Variants in PPIL2 observed in about 807,000 individuals in gnomAD.
PPIL2 encodes RING-type E3 ubiquitin-protein ligase PPIL2.
Under a neutral mutation model 75.2 loss-of-function variants are expected in PPIL2, and 50 were observed. That is an observed-to-expected ratio of 0.66 (90% CI 0.53 to 0.84). PPIL2 has a LOEUF of 0.84. Among genes scored for constraint, PPIL2 ranks in the 40% least tolerant of loss-of-function variants. The pLI is 0.00. For missense variants in PPIL2, 590 were observed against 685.0 expected, an observed-to-expected ratio of 0.86 and a Z score of 1.55; for synonymous variants, 245 against 258.8, an observed-to-expected ratio of 0.95 and a Z score of 0.51.
intron 1 of PPIL2, among the ~76,000 whole-genome samples, chr22:21,668,622 C>T (rs1038212465): frequency 6.9e-5 from 7 of 101,514 alleles, no homozygotes; most frequent in Non-Finnish European, 1.4e-4. Context: ...AGCAAGACTC[C>T]GTCTCAAAAA....
chr22:21,683,499 C>T (rs959691500), intron 9 of PPIL2, among the ~76,000 whole-genome samples: 2 of 152,326 alleles, frequency 1.3e-5, no homozygotes, highest in South Asian at 2.1e-4. Context: ...GCAGACTGGC[C>T]GGTGCTGTCA....
At chr22:21,670,817 A>G in intron 3 of PPIL2, 180 bp from the exon 4 acceptor site, 1 of 840,292 alleles carries the variant, frequency 1.2e-6, no homozygotes, top group Non-Finnish European at 2.0e-6. Context: ...GACCTTCACC[A>G]GGGGTGGCAC....
intron 12 of PPIL2, among the ~76,000 whole-genome samples, chr22:21,687,230 C>T (rs1418371267): frequency 6.6e-6 from 1 of 151,942 alleles, no homozygotes; most frequent in East Asian, 1.9e-4. Flanking sequence ...GCACCTGCTG[C>T]TCTGCCCACA....
At position 21,697,402 on chromosome 22, in the gene PPIL2, G is replaced by A; in HGVS notation, c.*1912G>A. 4.8e-6 allele frequency: 1 copy of A among 207,634 alleles called. No individual in the cohort carries two copies. Among genetic ancestry groups the A allele is most frequent in the South Asian group, 8.3e-5 (1 of 12,026 alleles). The allele number at this position is 207,634 out of a possible 1,614,324, so 12.9% of individuals were successfully genotyped here. ...TTCAAGTCCCCCATTGGTGGGGGCA[G>A]AGAAGTAGGACCAGGCCATCCTTGG... is the stretch of plus-strand genomic sequence containing the variant. On this transcript the variant is annotated 3_prime_UTR_variant, in exon 20 of 20. Coordinates refer to ENST00000398831, the MANE Select transcript of PPIL2 (RefSeq NM_014337.4).
At chr22:21,688,184 G>A in intron 14 of PPIL2, 78 bp downstream of exon 14, 8 of 1,554,434 alleles carry the variant, frequency 5.1e-6, no homozygotes, top group Non-Finnish European at 7.1e-6. Context: ...GGCAGGGGTT[G>A]TGCACAGCTC....
At chr22:21,694,358 G>T (rs1380721206) in intron 16 of PPIL2, among the ~76,000 whole-genome samples, 1 of 151,956 alleles carries the variant, frequency 6.6e-6, no homozygotes, top group Non-Finnish European at 1.5e-5. Context: ...TTTCCTGTGG[G>T]TGGGGGAAAC....
chr22:21,672,342 A>T lies in PPIL2; in HGVS notation c.204A>T (p.Pro68=), dbSNP rs748697581. The T allele has an allele frequency of 2.1e-5, 34 of 1,612,600 alleles. No individual in the cohort carries two copies. The highest frequency in any genetic ancestry group is 2.8e-5 in the Non-Finnish European group (33 of 1,178,718). ...GIVFDLLNIV[P]WLKKYGTNPS... ...GTCTTCCCTTCAGGAACATTGTTCC[A>T]TGGCTTAAGAAGTACGGGACCAACC... The change falls in exon 5 of 20, where the codon CCA becomes CCT. Residue 68 remains proline, a synonymous_variant. Transcript: ENST00000398831.
intron 5 of PPIL2, 69 bp downstream of exon 5, chr22:21,672,450 G>A (rs55671725): frequency 0.016 from 23,534 of 1,485,178 alleles, 234 homozygotes; most frequent in South Asian, 0.034. Flanking sequence ...TTTTGTTCTG[G>A]TGGTTTTCAT....
Position 21,697,538 on chromosome 22 carries a change from T to G in PPIL2, c.*2048T>G, listed in dbSNP as rs1344718750. 1 of 156,406 alleles carries G rather than the reference T, an allele frequency of 6.4e-6. No individual in the cohort carries two copies. The highest frequency in any genetic ancestry group is 2.4e-5 in the African/African-American group (1 of 41,448). The allele number at this position is 156,406 out of a possible 1,614,324, so 9.7% of individuals were successfully genotyped here. On this transcript the variant is annotated 3_prime_UTR_variant, in exon 20 of 20. Coordinates refer to ENST00000398831, the MANE Select transcript of PPIL2 (RefSeq NM_014337.4). ...GGCCTCGTCCACTGAGGGCACGATT[T>G]AAACATTTGACATCAGAAGCTTTAT... is the stretch of plus-strand genomic sequence containing the variant.
At chr22:21,666,269 G>C in intron 1 of PPIL2, 138 bp downstream of exon 1, 1 of 1,047,070 alleles carries the variant, frequency 9.6e-7, no homozygotes, top group Non-Finnish European at 1.3e-6. Context: ...GGAAGCTGCC[G>C]CCCTGTCTCC....
At chr22:21,687,936 C>A in intron 13 of PPIL2, 137 bp from the exon 14 acceptor site, 1 of 1,219,786 alleles carries the variant, frequency 8.2e-7, no homozygotes, top group Non-Finnish European at 1.2e-6. Flanking sequence ...AGGGAGGTGG[C>A]TGGGAGGGCC....
intron 7 of PPIL2, 70 bp from the exon 8 acceptor site, chr22:21,682,367 C>A: frequency 7.3e-7 from 1 of 1,372,904 alleles, no homozygotes; most frequent in Non-Finnish European, 1.0e-6. Flanking sequence ...AGCTCCAGGC[C>A]TCCCTGCTTG....
chr22:21,675,348 C>G (rs1010372275), intron 6 of PPIL2, among the ~76,000 whole-genome samples: 4 of 152,152 alleles, frequency 2.6e-5, no homozygotes, highest in Non-Finnish European at 5.9e-5. Context: ...CCATCCTGGC[C>G]AACATGGTAA....
downstream of PPIL2, chr22:21,698,640 T>G (rs766143202): frequency 6.6e-6 from 1 of 152,394 alleles, no homozygotes; most frequent in Non-Finnish European, 1.5e-5. Flanking sequence ...TTCAGTGAAC[T>G]CCTTCTTCCA....
chr22:21,670,466 A>G (rs1414534621), intron 2 of PPIL2, 100 bp from the exon 3 acceptor site: 22 of 1,495,964 alleles, frequency 1.5e-5, no homozygotes, highest in Admixed American at 5.5e-5. Flanking sequence ...AAAAATTTGC[A>G]TGAACTTTTT....
chr22:21,693,618 C>T (rs1318635153), intron 15 of PPIL2, among the ~76,000 whole-genome samples, 198 bp from the exon 16 acceptor site: 1 of 152,184 alleles, frequency 6.6e-6, no homozygotes, highest in Admixed American at 6.5e-5. Context: ...GCTGGAGTTC[C>T]GGGGTCCCCT....
At chr22:21,676,092 C>T (rs2066830157) in intron 6 of PPIL2, among the ~76,000 whole-genome samples, 1 of 152,176 alleles carries the variant, frequency 6.6e-6, no homozygotes. Flanking sequence ...CCTTTTGCCC[C>T]GCTTGTCTGA....
rs2067928172 is a variant in PPIL2 at position 21,696,304 on chromosome 22, G to A, written c.*814G>A. The A allele has an allele frequency of 9.5e-7, 1 of 1,050,284 alleles. No individual in the cohort carries two copies. Among genetic ancestry groups the A allele is most frequent in the Non-Finnish European group, 1.2e-6 (1 of 869,116 alleles). The allele number at this position is 1,050,284 out of a possible 1,614,324, so 65.1% of individuals were successfully genotyped here. A position where few individuals can be genotyped will look rare whatever the true frequency, so the allele number is the denominator to read the frequency against. ...GCCTGCCTGGCGTCTCTGTGCCCCT[G>A]TGAGAATCTTGAGGGGACCCACACT... is the stretch of plus-strand genomic sequence containing the variant. On this transcript the variant is annotated 3_prime_UTR_variant, in exon 20 of 20. Transcript: ENST00000398831.
intron 12 of PPIL2, 82 bp from the exon 13 acceptor site, chr22:21,687,550 CAAAAAAAAAAA>C: frequency 9.9e-6 from 3 of 304,102 alleles, no homozygotes; most frequent in Admixed American, 5.0e-5. Context: ...GACTCCACCT[CAAAAAAAAAAA>C]AAAAAAAAAA....
Sources: allele counts gnomAD v4.1 joint callset (sites outside exome capture counted in the v4.1 genomes callset), GRCh38; gene constraint gnomAD v4.1.1; transcripts MANE v1.5; gene names NCBI Gene and HGNC (gene_info 2026-07-23, HGNC 2026-07-21).